The following KCNK13 variants were observed in gnomAD, a reference collection of about 807,000 sequenced individuals.
The protein encoded by KCNK13 is potassium channel subfamily K member 13.
A neutral mutation model predicts 23.4 loss-of-function variants in KCNK13; 12 were observed. That is an observed-to-expected ratio of 0.51 (90% CI 0.33 to 0.83). KCNK13 has a LOEUF of 0.83. KCNK13 is among the 40% of genes least tolerant of loss of function. The pLI is 0.02. For missense variants in KCNK13, 463 were observed against 556.3 expected (o/e 0.83, Z 1.69); for synonymous variants, 231 against 229.5 (o/e 1.01, Z -0.06).
rs148895806 is a variant in KCNK13 at position 90,132,405 on chromosome 14, G to A, written c.335-51706G>A. ...CTAAAAATACAAAAAATTAGCCGGT[G>A]TGGTGACATATGCCTGTAATCCCAG... On this transcript the variant is annotated intron_variant, in intron 1 of 1. Transcript: ENST00000282146. Among the ~76,000 whole-genome samples, 241 of 152,206 alleles carry A rather than the reference G, an allele frequency of 1.6e-3. 1 individual carries two copies. Among genetic ancestry groups the A allele is most frequent in the African/African-American group, 5.5e-3 (227 of 41,542 alleles).
At position 90,101,790 on chromosome 14, in the gene KCNK13, C is replaced by CAAAAAAAAA. The variant is rs546423368; in HGVS notation, c.334+39265_334+39273dup. ...GGGCAACAGAGTGAGACTCCGTCTC[C>CAAAAAAAAA]AAAAAAAAAAAAAAAAAAAAAACCT... On this transcript the variant is annotated intron_variant, in intron 1 of 1. Coordinates refer to ENST00000282146, the MANE Select transcript of KCNK13 (RefSeq NM_022054.4). 4.4e-3 allele frequency among the ~76,000 whole-genome samples: 244 copies of CAAAAAAAAA among 55,574 alleles called. 10 individuals are homozygous for CAAAAAAAAA. Among genetic ancestry groups the CAAAAAAAAA allele is most frequent in the African/African-American group, 0.014 (213 of 15,148 alleles). 36.5% of individuals were successfully genotyped at this position (55,574 alleles called of 152,430 possible).
Position 90,185,737 on chromosome 14 carries a change from A to G in KCNK13, c.*734A>G, listed in dbSNP as rs1312533292. On this transcript the variant is annotated 3_prime_UTR_variant, in exon 2 of 2. Coordinates refer to ENST00000282146, the MANE Select transcript of KCNK13 (RefSeq NM_022054.4). ...TTGTAACTAAAGAACATAGCTTAAC[A>G]TTTTCCCTTTGAATGGTCACACAGA... 1 of 152,088 alleles carries G rather than the reference A, an allele frequency of 6.6e-6. No individual in the cohort carries two copies. The highest frequency in any genetic ancestry group is 2.1e-4 in the South Asian group (1 of 4,814). 9.4% of individuals were successfully genotyped at this position (152,088 alleles called of 1,614,324 possible).
chr14:90,147,412 T>A (rs1442892764), intron 1 of KCNK13, among the ~76,000 whole-genome samples: 1 of 104,698 alleles, frequency 9.6e-6, no homozygotes, highest in Non-Finnish European at 1.9e-5. Flanking sequence ...CACACCTGGC[T>A]TGTTTTTTTG....
intron 1 of KCNK13, among the ~76,000 whole-genome samples, chr14:90,139,199 G>A (rs867154181): frequency 6.6e-6 from 1 of 152,204 alleles, no homozygotes; most frequent in South Asian, 2.1e-4. Flanking sequence ...GATGGGGCAA[G>A]TGATGTTGAA....
intron 1 of KCNK13, among the ~76,000 whole-genome samples, chr14:90,079,744 T>A (rs562764527): frequency 1.3e-5 from 2 of 152,316 alleles, no homozygotes; most frequent in Middle Eastern, 3.4e-3. Context: ...TTCCAGCTAG[T>A]AATGTGTCAG....
At chr14:90,078,143 A>G (rs560094554) in intron 1 of KCNK13, among the ~76,000 whole-genome samples, 11 of 152,178 alleles carry the variant, frequency 7.2e-5, no homozygotes, top group Admixed American at 2.6e-4. Context: ...TAAAAGGGCC[A>G]GGCACAGTGG....
At chr14:90,138,642 TG>T (rs1889965937) in intron 1 of KCNK13, among the ~76,000 whole-genome samples, 1 of 152,212 alleles carries the variant, frequency 6.6e-6, no homozygotes, top group Non-Finnish European at 1.5e-5. Context: ...ATCCATTCAA[TG>T]GGGCTTGACA....
chr14:90,161,870 T>TTTAATG (rs1236323464), intron 1 of KCNK13, among the ~76,000 whole-genome samples: 1 of 152,094 alleles, frequency 6.6e-6, no homozygotes, highest in Non-Finnish European at 1.5e-5. Context: ...GGAAGAGCCC[T>TTTAATG]CACAAGCATT....
intron 1 of KCNK13, among the ~76,000 whole-genome samples, chr14:90,151,850 T>C (rs1271690221): frequency 2.6e-5 from 4 of 152,220 alleles, no homozygotes; most frequent in African/African-American, 9.6e-5. Flanking sequence ...CAATATCCAG[T>C]TTTCCTAACA....
At chr14:90,102,993 C>T (rs1030995691) in intron 1 of KCNK13, among the ~76,000 whole-genome samples, 4 of 152,166 alleles carry the variant, frequency 2.6e-5, no homozygotes, top group Non-Finnish European at 5.9e-5. Context: ...TGTGGACGCT[C>T]AATGTTTAGC....
intron 1 of KCNK13, among the ~76,000 whole-genome samples, chr14:90,088,421 T>C (rs531377974): frequency 2.0e-5 from 3 of 152,294 alleles, no homozygotes; most frequent in Non-Finnish European, 4.4e-5. Context: ...TTTCAAGCCA[T>C]AAAAGTGAAG....
intron 1 of KCNK13, among the ~76,000 whole-genome samples, chr14:90,164,504 G>A (rs1185593149): frequency 6.6e-6 from 1 of 152,110 alleles, no homozygotes; most frequent in Admixed American, 6.5e-5. Context: ...GGAGAGAATG[G>A]AGAAGAGAGA....
intron 1 of KCNK13, among the ~76,000 whole-genome samples, chr14:90,147,913 G>T (rs1236063004): frequency 6.6e-6 from 1 of 152,186 alleles, no homozygotes; most frequent in Non-Finnish European, 1.5e-5. Context: ...GCTCAGGCCT[G>T]TAATCCCAGC....
chr14:90,110,067 G>T (rs1489481676), intron 1 of KCNK13, among the ~76,000 whole-genome samples: 1 of 152,172 alleles, frequency 6.6e-6, no homozygotes, highest in Non-Finnish European at 1.5e-5. Context: ...ACTAAATGCC[G>T]ATCCTTGTGA....
At chr14:90,130,795 C>A (rs1044764669) in intron 1 of KCNK13, among the ~76,000 whole-genome samples, 10 of 152,080 alleles carry the variant, frequency 6.6e-5, no homozygotes, top group Admixed American at 1.3e-4. Context: ...GCCTGGGCAA[C>A]AAGAGCGAAA....
intron 1 of KCNK13, among the ~76,000 whole-genome samples, chr14:90,098,907 A>G (rs1289969625): frequency 6.6e-6 from 1 of 151,996 alleles, no homozygotes; most frequent in Non-Finnish European, 1.5e-5. Context: ...GTGAAACCCC[A>G]TCTCTACTAA....
In KCNK13 at chr14:90,170,952, T is replaced by C. The variant is rs142728891; in HGVS notation, c.335-13159T>C. Among the ~76,000 whole-genome samples the C allele has an allele frequency of 6.3e-3, 967 of 152,320 alleles. 7 individuals are homozygous for C. Among genetic ancestry groups the C allele is most frequent in the African/African-American group, 0.022 (933 of 41,572 alleles). On this transcript the variant is annotated intron_variant, in intron 1 of 1. Coordinates refer to ENST00000282146, the MANE Select transcript of KCNK13 (RefSeq NM_022054.4). ...GCAAAATATGGGGGAGGATGTAGCT[T>C]TTCATCTTGTAGCCATCTTATTTAG...
chr14:90,062,537 T>C lies in KCNK13; in HGVS notation c.332T>C (p.Ile111Thr). The change falls in exon 1 of 2, where the codon ATA (isoleucine) becomes ACA (threonine). Residue 111 changes from isoleucine to threonine, a missense_variant and splice_region_variant. Ile to Thr is a moderately conservative substitution (Grantham distance 89, BLOSUM62 -1). Around this residue, in one of 3 missense-constraint regions of KCNK13, gnomAD observed 144 missense variants for 224.0 expected, o/e 0.64. Coordinates refer to ENST00000282146, the MANE Select transcript of KCNK13 (RefSeq NM_022054.4). The surrounding 1 kb of genome is among the most constrained non-coding windows in gnomAD (Gnocchi z 4.5). Reference protein sequence around the residue: ...FYFVGTVVSTIGFGMTTPATV... With the variant: ...FYFVGTVVSTTGFGMTTPATV... ...TTCGTGGGCACCGTCGTTTCCACCA[T>C]AGGTAAGTGTGCTGGCCGGACTCGC... The C allele has an allele frequency of 3.3e-6, 5 of 1,496,550 alleles. No individual in the cohort carries two copies. Among genetic ancestry groups the C allele is most frequent in the Non-Finnish European group, 4.5e-6 (5 of 1,121,008 alleles). The allele number at this position is 1,496,550 out of a possible 1,614,324, so 92.7% of individuals were successfully genotyped here. A position where few individuals can be genotyped will look rare whatever the true frequency, so the allele number is the denominator to read the frequency against.
chr14:90,118,714 G>A (rs548251475), intron 1 of KCNK13, among the ~76,000 whole-genome samples: 18 of 152,200 alleles, frequency 1.2e-4, no homozygotes, highest in Admixed American at 1.0e-3. Flanking sequence ...ACATCCCCAC[G>A]GGAATGCACA....
Sources: gnomAD v4.1 joint callset for allele counts (sites outside exome capture counted in the v4.1 genomes callset) on GRCh38, gnomAD v4.1.1 for gene constraint, gnomAD v4.1.1 regional missense constraint, Gnocchi (gnomAD v3.1) non-coding constraint, MANE v1.5 for transcripts, NCBI Gene and HGNC (gene_info 2026-07-23, HGNC 2026-07-21) for gene names.